Variants in GALC observed in about 807,000 individuals in gnomAD.
GALC encodes galactocerebrosidase.
GALC carries 77 observed loss-of-function variants against 91.8 expected under a neutral mutation model. The observed-to-expected ratio is 0.84, with a 90% CI of 0.70 to 1.01. GALC has a LOEUF of 1.01. Ranked by LOEUF, GALC falls within the 50% of genes least tolerant of loss-of-function variation. The pLI, the probability that GALC is intolerant of heterozygous loss-of-function variation, is 0.00. For synonymous variants in GALC, 357 were observed against 306.7 expected (o/e 1.16, Z -1.71); for missense variants, 882 against 855.9 (o/e 1.03, Z -0.38).
rs1052492164 is a variant in GALC, at chr14:87,987,380, A to G, written c.328+764T>C. Among the ~76,000 whole-genome samples, 8 of 152,370 alleles carry G rather than the reference A, an allele frequency of 5.3e-5. 2 individuals carry two copies. The highest frequency in any genetic ancestry group is 5.2e-4 in the Admixed American group (8 of 15,310). ...AGTCCATCATTGTCAATTCTGCCTA[A>G]AAGGTTTTAACAGTAAAACGCAATA... On this transcript the variant is annotated intron_variant, in intron 3 of 16. Coordinates refer to ENST00000261304, the MANE Select transcript of GALC (RefSeq NM_000153.4).
intron 10 of GALC, chr14:87,963,131 T>C (rs543318595): frequency 5.8e-4 from 257 of 439,570 alleles, no homozygotes; most frequent in Non-Finnish European, 9.9e-4. Context: ...GGTACACAGG[T>C]AACCTTAATT....
At chr14:87,956,855 T>C (rs1364387288) in intron 10 of GALC, among the ~76,000 whole-genome samples, 4 of 152,080 alleles carry the variant, frequency 2.6e-5, no homozygotes, top group Non-Finnish European at 4.4e-5. Flanking sequence ...GTTTTCCATA[T>C]AGGTTGTACT....
At chr14:87,987,204 T>A (rs1183255026) in intron 3 of GALC, 1 of 339,398 alleles carries the variant, frequency 2.9e-6, no homozygotes, top group East Asian at 8.5e-5. Context: ...AAAGTCCTCG[T>A]ATATTCCCAC....
chr14:87,988,372 G>A (rs1437430897), intron 2 of GALC, 83 bp downstream of exon 2: 3 of 1,258,558 alleles, frequency 2.4e-6, no homozygotes, highest in African/African-American at 1.5e-5. Flanking sequence ...CTAGAATTGT[G>A]AGGCTAATAA....
At chr14:87,990,496 A>T (rs1195486837) in intron 1 of GALC, among the ~76,000 whole-genome samples, 1 of 152,216 alleles carries the variant, frequency 6.6e-6, no homozygotes, top group Non-Finnish European at 1.5e-5. Flanking sequence ...CAAATTTTTT[A>T]AAATACATAT....
intron 10 of GALC, 185 bp downstream of exon 10, chr14:87,963,199 A>T (rs1289554937): frequency 3.4e-6 from 2 of 583,320 alleles, no homozygotes; most frequent in Admixed American, 2.8e-5. Flanking sequence ...ATTTTGTACA[A>T]ATCAGTGAGT....
At chr14:87,938,217 A>G (rs1884672931) in intron 16 of GALC, among the ~76,000 whole-genome samples, 1 of 152,050 alleles carries the variant, frequency 6.6e-6, no homozygotes, top group Non-Finnish European at 1.5e-5. Context: ...CTGTCACTAA[A>G]GGAGCTATGT....
Position 87,933,884 on chromosome 14 carries a change from G to T in GALC, c.*848C>A. 1 of 1,019,140 alleles carries T rather than the reference G, an allele frequency of 9.8e-7. No individual in the cohort carries two copies. The highest frequency in any genetic ancestry group is 1.5e-6 in the Non-Finnish European group (1 of 679,786). The allele number at this position is 1,019,140 out of a possible 1,614,324, so 63.1% of individuals were successfully genotyped here. A position where few individuals can be genotyped will look rare whatever the true frequency, so the allele number is the denominator to read the frequency against. On this transcript the variant is annotated 3_prime_UTR_variant, in exon 17 of 17. Coordinates refer to ENST00000261304, the MANE Select transcript of GALC (RefSeq NM_000153.4). ...AAGGAGAGAAAAGCATTCATCAGCTGTGTGAGTCTGTTACCAGTGCACATG... is the reference window on the plus strand; with the variant it reads ...AAGGAGAGAAAAGCATTCATCAGCTTTGTGAGTCTGTTACCAGTGCACATG...
At chr14:87,955,988 T>C (rs575153710) in intron 10 of GALC, among the ~76,000 whole-genome samples, 2 of 148,154 alleles carry the variant, frequency 1.3e-5, no homozygotes, top group South Asian at 2.1e-4. Context: ...AGTGACAGTT[T>C]AAAAAAAAAA....
intron 10 of GALC, chr14:87,952,474 A>G: frequency 1.8e-6 from 1 of 559,646 alleles, no homozygotes; most frequent in Admixed American, 3.0e-5. Context: ...TATAGGCATA[A>G]GCTAAACCAC....
intron 10 of GALC, among the ~76,000 whole-genome samples, chr14:87,960,671 C>T (rs1885765298): frequency 6.6e-6 from 1 of 152,054 alleles, no homozygotes; most frequent in Admixed American, 6.6e-5. Context: ...GAAATAAACC[C>T]TCAAATTTAT....
chr14:87,950,513 G>C, intron 11 of GALC, 146 bp downstream of exon 11: 1 of 596,558 alleles, frequency 1.7e-6, no homozygotes, highest in Non-Finnish European at 3.0e-6. Flanking sequence ...CAAGTCGGAA[G>C]ACAGAAGACA....
chr14:87,948,129 A>G (rs1227750301), intron 12 of GALC, among the ~76,000 whole-genome samples: 1 of 151,730 alleles, frequency 6.6e-6, no homozygotes, highest in Non-Finnish European at 1.5e-5. Context: ...GGACTAAATA[A>G]TCTCAAAATC....
upstream of GALC, chr14:87,993,554 C>G (rs1887338058): frequency 7.8e-7 from 1 of 1,282,256 alleles, no homozygotes; most frequent in African/African-American, 1.5e-5. Context: ...GGTCCCGATT[C>G]CATTGTCATC....
chr14:87,976,668 G>A (rs1886507055), intron 6 of GALC, 180 bp from the exon 7 acceptor site: 2 of 543,282 alleles, frequency 3.7e-6, no homozygotes, highest in Non-Finnish European at 6.6e-6. Context: ...AGGCTGGAGT[G>A]CAGTGGCAGG....
At chr14:87,992,890 A>ACGCCGCGGGGGCTTGTGGGGCTGG in intron 1 of GALC, 80 bp downstream of exon 1, 1 of 1,428,370 alleles carries the variant, frequency 7.0e-7, no homozygotes, top group Non-Finnish European at 9.1e-7. Context: ...ACGCAGGGCA[A>ACGCCGCGGGGGCTTGTGGGGCTGG]CGCCGCGGGG....
chr14:87,953,938 A>T (rs17760079), intron 10 of GALC: 23 of 1,609,848 alleles, frequency 1.4e-5, no homozygotes, highest in Non-Finnish European at 1.9e-5. Context: ...TCAGAAACTA[A>T]GAAGGTTTTT....
chr14:87,965,477 G>A (rs144489967), intron 9 of GALC, 28 bp downstream of exon 9: 11 of 1,611,126 alleles, frequency 6.8e-6, no homozygotes, highest in Non-Finnish European at 9.3e-6. Context: ...GAAGAATTTA[G>A]GGAGTGAGAG....
Position 87,947,764 on chromosome 14 carries a change from G to A in GALC, c.1453C>T (p.Pro485Ser), listed in dbSNP as rs771051919. The A allele has an allele frequency of 7.4e-6, 12 of 1,612,804 alleles. No individual in the cohort carries two copies. In the East Asian group the frequency reaches 2.5e-4, roughly 33 times the overall value. Residue 485 changes from proline (P) to serine (S), a missense_variant, in exon 13 of 17, where the codon CCC (proline) becomes TCC (serine). Physicochemically the swap from Pro to Ser is moderately conservative, Grantham distance 74 (BLOSUM62 -1). Transcript: ENST00000261304. ...GSYPLPPKSQ[P>S]FPSTYKDDFN... ...TCATCCTTATAGGTACTTGGGAAGG[G>A]CTGGGATTTTGGAGGAAGCGGGTAG...
Sources: allele counts gnomAD v4.1 joint callset (sites outside exome capture counted in the v4.1 genomes callset), GRCh38; gene constraint gnomAD v4.1.1; transcripts MANE v1.5; gene names NCBI Gene and HGNC (gene_info 2026-07-23, HGNC 2026-07-21).